The following SDK1 variants were observed in gnomAD, a reference collection of about 807,000 sequenced individuals.
SDK1 encodes protein sidekick-1.
Under a neutral mutation model 245.5 loss-of-function variants are expected in SDK1, and 157 were observed. The observed-to-expected ratio is 0.64, with a 90% CI of 0.56 to 0.73. SDK1 has a LOEUF of 0.73. Among genes scored for constraint, SDK1 ranks in the 30% least tolerant of loss-of-function variants. The probability of loss-of-function intolerance (pLI) is 0.00; values close to 1 mark genes in which losing one functional copy is unlikely to be tolerated. For synonymous variants in SDK1, 1,647 were observed against 1,278.5 expected (o/e 1.29, Z -6.15); for missense variants, 3,583 against 3,002.3 (o/e 1.19, Z -4.52).
chr7:3,970,822 C>G (rs1782434866), intron 11 of SDK1, among the ~76,000 whole-genome samples: 1 of 152,224 alleles, frequency 6.6e-6, no homozygotes, highest in Non-Finnish European at 1.5e-5. Flanking sequence ...AGAGGTCAGG[C>G]TTGCCCTCGA....
intron 5 of SDK1, among the ~76,000 whole-genome samples, chr7:3,879,221 A>G (rs778821784): frequency 3.9e-5 from 6 of 152,170 alleles, no homozygotes; most frequent in Non-Finnish European, 8.8e-5. Flanking sequence ...AGGACAAAAC[A>G]TGGCGGCTGC....
intron 7 of SDK1, among the ~76,000 whole-genome samples, chr7:3,954,238 C>T (rs1394037504): frequency 7.1e-6 from 1 of 140,292 alleles, no homozygotes; most frequent in Non-Finnish European, 1.6e-5. Flanking sequence ...ACGCCCTCCA[C>T]CCTCCCCTCC....
intron 1 of SDK1, among the ~76,000 whole-genome samples, chr7:3,324,880 C>G (rs1227068563): frequency 6.6e-6 from 1 of 152,090 alleles, no homozygotes; most frequent in African/African-American, 2.4e-5. Context: ...GAAAGAAAGT[C>G]CTCCCATGCT....
intron 1 of SDK1, among the ~76,000 whole-genome samples, chr7:3,366,970 G>C (rs927634608): frequency 6.6e-6 from 1 of 152,014 alleles, no homozygotes. Flanking sequence ...TCGATCTCCT[G>C]ACCTCGTGAT....
intron 2 of SDK1, among the ~76,000 whole-genome samples, chr7:3,626,861 A>C (rs1782138806): frequency 6.6e-6 from 1 of 152,130 alleles, no homozygotes; most frequent in South Asian, 2.1e-4. Context: ...AAGAGCCTAA[A>C]GTTGGGAAAA....
chr7:3,327,134 C>T (rs762201787), intron 1 of SDK1, among the ~76,000 whole-genome samples: 1 of 152,098 alleles, frequency 6.6e-6, no homozygotes, highest in Non-Finnish European at 1.5e-5. Flanking sequence ...GGTGTGACAT[C>T]TTAAGAAGAA....
chr7:4,139,853 G>T (rs1328236267), intron 28 of SDK1, among the ~76,000 whole-genome samples: 1 of 151,408 alleles, frequency 6.6e-6, no homozygotes, highest in Non-Finnish European at 1.5e-5. Flanking sequence ...GCGCTGTCTG[G>T]GCTGTCTTGG....
At chr7:3,743,876 G>A (rs1158880158) in intron 4 of SDK1, among the ~76,000 whole-genome samples, 1 of 152,090 alleles carries the variant, frequency 6.6e-6, no homozygotes, top group African/African-American at 2.4e-5. Context: ...CCCCATGAAT[G>A]GATCATAAAA....
At chr7:4,144,193 GGTCA>G (rs1207663860) in intron 28 of SDK1, among the ~76,000 whole-genome samples, 1 of 152,128 alleles carries the variant, frequency 6.6e-6, no homozygotes, top group Non-Finnish European at 1.5e-5. Context: ...GGCTGCCCTC[GGTCA>G]GTCAGTGACT....
chr7:3,560,330 T>G (rs1321291303), intron 1 of SDK1, among the ~76,000 whole-genome samples: 1 of 152,228 alleles, frequency 6.6e-6, no homozygotes, highest in East Asian at 1.9e-4. Flanking sequence ...TCTTTTATCT[T>G]TATTTCATCT....
chr7:3,418,145 G>GCAAAAAA lies in SDK1; in HGVS notation c.298+116261_298+116262insCAAAAAA, dbSNP rs1292199670. Among the ~76,000 whole-genome samples, 1,055 of 119,554 alleles carry GCAAAAAA rather than the reference G, an allele frequency of 8.8e-3. 103 individuals are homozygous for GCAAAAAA. The highest frequency in any genetic ancestry group is 0.03 in the African/African-American group (782 of 25,680). The allele number at this position is 119,554 out of a possible 152,430, so 78.4% of individuals were successfully genotyped here. ...GTGAAACCCGATCTCTACTAAAAAT[G>GCAAAAAA]AAAAAAAAAAAAAAAAAAAAAAATA... On this transcript the variant is annotated intron_variant, in intron 1 of 44. Coordinates refer to ENST00000404826, the MANE Select transcript of SDK1 (RefSeq NM_152744.4).
intron 1 of SDK1, among the ~76,000 whole-genome samples, chr7:3,456,506 T>A (rs1780672191): frequency 6.6e-6 from 1 of 152,246 alleles, no homozygotes; most frequent in Admixed American, 6.5e-5. Flanking sequence ...TTGAGCTCAT[T>A]CAGTGAGTTT....
chr7:3,473,447 G>C (rs1781246179), intron 1 of SDK1, among the ~76,000 whole-genome samples: 1 of 152,158 alleles, frequency 6.6e-6, no homozygotes, highest in African/African-American at 2.4e-5. Context: ...TTAGTGTATT[G>C]TTAGGAATTG....
chr7:3,363,423 A>G (rs1202941892), intron 1 of SDK1, among the ~76,000 whole-genome samples: 1 of 152,138 alleles, frequency 6.6e-6, no homozygotes, highest in Non-Finnish European at 1.5e-5. Context: ...AAGTCGCTAT[A>G]AACATTTGTC....
chr7:4,173,492 T>G lies in SDK1; in HGVS notation c.4801-730T>G, dbSNP rs79462229. Among the ~76,000 whole-genome samples the G allele has an allele frequency of 3.0e-3, 451 of 152,336 alleles. 2 individuals are homozygous for G. Among genetic ancestry groups the G allele is most frequent in the African/African-American group, 0.01 (434 of 41,584 alleles). On this transcript the variant is annotated intron_variant, in intron 32 of 44. Coordinates refer to ENST00000404826, the MANE Select transcript of SDK1 (RefSeq NM_152744.4). ...AGGTCTCATAACCCTGTGTTTAGAT[T>G]CCAGCAAGACCTGAAACTCCACTTC...
At chr7:4,015,829 A>C (rs1786351070) in intron 16 of SDK1, among the ~76,000 whole-genome samples, 1 of 152,168 alleles carries the variant, frequency 6.6e-6, no homozygotes, top group East Asian at 1.9e-4. Context: ...CTCAAGGGCC[A>C]TCTGCTTATC....
At chr7:3,752,952 T>A (rs1284049052) in intron 4 of SDK1, among the ~76,000 whole-genome samples, 1 of 152,226 alleles carries the variant, frequency 6.6e-6, no homozygotes, top group Non-Finnish European at 1.5e-5. Flanking sequence ...GTTATCTCAG[T>A]CTTAAATTCC....
In SDK1 at chr7:3,346,636, C is replaced by G. The variant is rs7793724; in HGVS notation, c.298+44752C>G. Among the ~76,000 whole-genome samples the G allele has an allele frequency of 8.2e-5, 12 of 146,154 alleles. 1 individual carries two copies. In the East Asian group the frequency reaches 1.6e-3, roughly 19 times the overall value. Reference sequence around the variant, plus strand: ...CAGGCAGTCCTCCTACCTTAGCCTTCTGCACCCCCACACCTGGCTAATTTA... The same window carrying G: ...CAGGCAGTCCTCCTACCTTAGCCTTGTGCACCCCCACACCTGGCTAATTTA... On this transcript the variant is annotated intron_variant, in intron 1 of 44. Transcript: ENST00000404826.
At chr7:4,160,867 G>C (rs111398439) in intron 31 of SDK1, among the ~76,000 whole-genome samples, 1 of 152,182 alleles carries the variant, frequency 6.6e-6, no homozygotes, top group Non-Finnish European at 1.5e-5. Flanking sequence ...GCTGAGGAGG[G>C]GGTGTCTGGC....
Sources: gnomAD v4.1 joint callset for allele counts (sites outside exome capture counted in the v4.1 genomes callset) on GRCh38, gnomAD v4.1.1 for gene constraint, MANE v1.5 for transcripts, NCBI Gene and HGNC (gene_info 2026-07-23, HGNC 2026-07-21) for gene names.